The following E2F3 variants were observed in gnomAD, a reference collection of about 807,000 sequenced individuals.
E2F3 encodes the protein transcription factor E2F3.
E2F3 carries 11 observed loss-of-function variants against 44.4 expected under a neutral mutation model. That is an observed-to-expected ratio of 0.25 (90% confidence interval 0.16 to 0.41). The LOEUF is 0.41. Ranked by LOEUF, E2F3 falls within the 10% of genes least tolerant of loss-of-function variation. The pLI is 1.00. For missense variants in E2F3, 487 were observed against 583.6 expected (o/e 0.83, Z 1.70); for synonymous variants, 249 against 253.0 (o/e 0.98, Z 0.15).
At chr6:20,481,182 G>C (rs778898372) in intron 2 of E2F3, 24 bp from the exon 3 acceptor site, 2 of 1,609,338 alleles carry the variant, frequency 1.2e-6, no homozygotes, top group African/African-American at 2.7e-5. Context: ...TCCCCCACCC[G>C]CTCGGTTTTT....
At chr6:20,422,126 G>C (rs1461864453) in intron 1 of E2F3, among the ~76,000 whole-genome samples, 2 of 152,204 alleles carry the variant, frequency 1.3e-5, no homozygotes, top group Admixed American at 6.5e-5. Flanking sequence ...CCACTTTCAT[G>C]AGTGATCTTA....
intron 1 of E2F3, chr6:20,421,489 C>T (rs1760025693): frequency 6.6e-6 from 1 of 152,210 alleles, no homozygotes; most frequent in Non-Finnish European, 1.5e-5. Context: ...TCTCCTTGTA[C>T]ATCTCCATCA....
At chr6:20,425,640 G>A (rs867617814) in intron 1 of E2F3, among the ~76,000 whole-genome samples, 1 of 151,978 alleles carries the variant, frequency 6.6e-6, no homozygotes, top group Non-Finnish European at 1.5e-5. Context: ...CTGCCCGCCC[G>A]CCCCGCCTCG....
At chr6:20,413,296 A>G (rs1416714821) in intron 1 of E2F3, among the ~76,000 whole-genome samples, 1 of 152,216 alleles carries the variant, frequency 6.6e-6, no homozygotes, top group Non-Finnish European at 1.5e-5. Context: ...CAGAAGCCCT[A>G]AGATCTTCTG....
intron 1 of E2F3, among the ~76,000 whole-genome samples, chr6:20,417,869 C>T (rs1043638511): frequency 1.3e-5 from 2 of 152,076 alleles, no homozygotes; most frequent in African/African-American, 2.4e-5. Flanking sequence ...CGAAAAATAT[C>T]TCTCTGACCA....
chr6:20,481,818 G>A (rs1762233467), intron 3 of E2F3, among the ~76,000 whole-genome samples: 2 of 151,954 alleles, frequency 1.3e-5, no homozygotes, highest in African/African-American at 4.8e-5. Context: ...GATGGCTTAT[G>A]GGTTATCTAT....
chr6:20,450,142 T>C (rs1441574614), intron 1 of E2F3, among the ~76,000 whole-genome samples: 1 of 152,146 alleles, frequency 6.6e-6, no homozygotes, highest in Admixed American at 6.6e-5. Context: ...TACCCAGAAA[T>C]GGGAATGCTG....
rs1051272306 is a variant in E2F3, at chr6:20,402,203, C to G, written c.-30C>G. ...AAATTGAAAACAATACATTAATATA[C>G]CATAACACTAAAAAGAGCAGGAGCG... On this transcript the variant is annotated 5_prime_UTR_variant, in exon 1 of 7. Transcript: ENST00000346618. The surrounding 1 kb of genome is among the most constrained non-coding windows in gnomAD (Gnocchi z 5.6). 4.5e-6 allele frequency: 7 copies of G among 1,563,752 alleles called. No homozygotes were observed. Among genetic ancestry groups the G allele is most frequent in the Non-Finnish European group, 6.0e-6 (7 of 1,164,130 alleles).
intron 1 of E2F3, among the ~76,000 whole-genome samples, chr6:20,414,569 T>A (rs1478343673): frequency 6.6e-6 from 1 of 152,240 alleles, no homozygotes; most frequent in Non-Finnish European, 1.5e-5. Flanking sequence ...GAAAGAGCCG[T>A]GTAAATTCTA....
intron 1 of E2F3, among the ~76,000 whole-genome samples, chr6:20,429,204 T>C (rs570407476): frequency 4.2e-4 from 64 of 152,332 alleles, no homozygotes; most frequent in African/African-American, 1.4e-3. Flanking sequence ...TCACAGGCAT[T>C]CTTTGTCCCC....
intron 1 of E2F3, among the ~76,000 whole-genome samples, chr6:20,414,944 C>T (rs1182519372): frequency 6.6e-6 from 1 of 152,186 alleles, no homozygotes; most frequent in African/African-American, 2.4e-5. Context: ...TAGTGATCCT[C>T]TCTCCTTCAC....
chr6:20,458,749 A>T (rs1316980279), intron 1 of E2F3, among the ~76,000 whole-genome samples: 1 of 152,174 alleles, frequency 6.6e-6, no homozygotes, highest in Non-Finnish European at 1.5e-5. Context: ...TTGCATTTTT[A>T]ATATTCTGTT....
At chr6:20,461,591 C>T (rs1305596350) in intron 1 of E2F3, among the ~76,000 whole-genome samples, 5 of 152,084 alleles carry the variant, frequency 3.3e-5, no homozygotes, top group East Asian at 3.8e-4. Flanking sequence ...ACTTTTACTA[C>T]GTATTTATTA....
In E2F3 at chr6:20,479,510, C is replaced by T. The variant is rs565463442; in HGVS notation, c.394-336C>T. Among the ~76,000 whole-genome samples the T allele has an allele frequency of 6.6e-5, 10 of 152,320 alleles. No homozygotes were observed. In the South Asian group the frequency reaches 1.4e-3, roughly 22 times the overall value. On this transcript the variant is annotated intron_variant, in intron 1 of 6. Transcript: ENST00000346618. ...TGGAAAGGGAATTTAAGCCCCACGG[C>T]GCCTGTGATATTCTTAGCATCCAAC...
At chr6:20,440,329 C>T (rs1213698323) in intron 1 of E2F3, among the ~76,000 whole-genome samples, 1 of 152,236 alleles carries the variant, frequency 6.6e-6, no homozygotes, top group Admixed American at 6.5e-5. Context: ...GTCTTAAACA[C>T]TCTTCCAGAA....
rs939750999 is a variant in E2F3 at position 20,492,076 on chromosome 6, G to C, written c.*1646G>C. On this transcript the variant is annotated 3_prime_UTR_variant, in exon 7 of 7. Coordinates refer to ENST00000346618, the MANE Select transcript of E2F3 (RefSeq NM_001949.5). ...ACGAACAGTTAAATTGAAATGCTAT[G>C]TGCCTGACCCAATGGTAGGCACATA... is the stretch of plus-strand genomic sequence containing the variant. 4.9e-6 allele frequency: 1 copy of C among 206,144 alleles called. No individual in the cohort carries two copies. The highest frequency in any genetic ancestry group is 2.3e-5 in the African/African-American group (1 of 43,716). The allele number at this position is 206,144 out of a possible 1,614,324, so 12.8% of individuals were successfully genotyped here. A position where few individuals can be genotyped will look rare whatever the true frequency, so the allele number is the denominator to read the frequency against.
intron 1 of E2F3, among the ~76,000 whole-genome samples, chr6:20,465,599 T>G (rs1214919986): frequency 6.6e-6 from 1 of 152,182 alleles, no homozygotes; most frequent in Non-Finnish European, 1.5e-5. Context: ...TTTGTAGTCT[T>G]TTATCCCTCA....
At chr6:20,456,499 C>T (rs1761313853) in intron 1 of E2F3, among the ~76,000 whole-genome samples, 1 of 152,146 alleles carries the variant, frequency 6.6e-6, no homozygotes, top group South Asian at 2.1e-4. Context: ...ATAGTCCTGT[C>T]TCCTTTCCTC....
intron 1 of E2F3, among the ~76,000 whole-genome samples, chr6:20,424,210 GGTGTGTGTGTGT>G (rs57286350): frequency 3.6e-5 from 5 of 136,994 alleles, no homozygotes; most frequent in East Asian, 2.2e-4. Flanking sequence ...TCAGTGGAAG[GGTGTGTGTGTGT>G]GTGTGTGTGT....
Sources: allele counts gnomAD v4.1 joint callset (sites outside exome capture counted in the v4.1 genomes callset), GRCh38; gene constraint gnomAD v4.1.1; non-coding constraint Gnocchi (gnomAD v3.1); transcripts MANE v1.5; gene names NCBI Gene and HGNC (gene_info 2026-07-23, HGNC 2026-07-21).